TOR2A: variants seen among roughly 807,000 people sequenced by gnomAD.
TOR2A encodes the protein torsin family 2 member A.
Under a neutral mutation model 28.6 loss-of-function variants are expected in TOR2A, and 24 were observed. That is an observed-to-expected ratio of 0.84 (90% confidence interval 0.61 to 1.18). The LOEUF is 1.18. Ranked by LOEUF, TOR2A falls within the 50% of genes most tolerant of loss-of-function variation. TOR2A has a pLI of 0.00. For synonymous variants in TOR2A, 203 were observed against 203.1 expected (o/e 1.00, Z 0.00); for missense variants, 426 against 448.1 (o/e 0.95, Z 0.45).
At chr9:127,732,833 T>C in intron 3 of TOR2A, 142 bp from the exon 4 acceptor site, 16 of 1,442,738 alleles carry the variant, frequency 1.1e-5, no homozygotes, top group Non-Finnish European at 1.5e-5. Flanking sequence ...ACGCTCCACT[T>C]CCCCCTCCAT....
rs1381476869 is a variant in TOR2A, at chr9:127,733,377, GGCCCC to G, written c.593+3_593+7del. 6.2e-7 allele frequency: 1 copy of G among 1,613,644 alleles called. No individual in the cohort carries two copies. The highest frequency in any genetic ancestry group is 1.3e-5 in the African/African-American group (1 of 74,940). On this transcript the variant is annotated splice_donor_5th_base_variant and intron_variant, in intron 3 of 4. Transcript: ENST00000373284. ...CCCCACTGTGCCCACTGCAAAGCCG[GGCCCC>G]ACCTGATGAAGATGAAGATGGCTTT... is the stretch of plus-strand genomic sequence containing the variant.
chr9:127,733,100 C>T (rs1461498013), intron 3 of TOR2A: 7 of 1,501,542 alleles, frequency 4.7e-6, no homozygotes, highest in African/African-American at 1.4e-5. Flanking sequence ...TTTTCCCAGG[C>T]CTGTGTCCTC....
chr9:127,733,461 C>A lies in TOR2A; in HGVS notation c.517G>T (p.Val173Phe). 1 of 1,613,930 alleles carries A rather than the reference C, an allele frequency of 6.2e-7. No individual in the cohort carries two copies. Residue 173 changes from valine to phenylalanine, a missense_variant, in exon 3 of 5, where the codon GTC becomes TTC. Val to Phe is a conservative substitution (Grantham distance 50, BLOSUM62 -1). Transcript: ENST00000373284. ...GAGGAGCCCAGGAAAGGCCGCAGGA[C>A]TTCCATCAGGCCTGGGGGCATCTTG... ...MDKMPPGLME[V>F]LRPFLGSSWV...
Position 127,735,122 on chromosome 9 carries a change from G to C in TOR2A, c.149C>G (p.Pro50Arg). 1.4e-6 allele frequency: 2 copies of C among 1,475,212 alleles called. No homozygotes were observed. The highest frequency in any genetic ancestry group is 2.3e-4 in the Middle Eastern group (1 of 4,380). 91.4% of individuals were successfully genotyped at this position (1,475,212 alleles called of 1,614,324 possible). A position where few individuals can be genotyped will look rare whatever the true frequency, so the allele number is the denominator to read the frequency against. The change falls in exon 1 of 5, where the codon CCG (proline) becomes CGG (arginine). Residue 50 changes from proline (P) to arginine (R), a missense_variant and splice_region_variant. Transcript: ENST00000373284. ...CTCCGGGCTCCCTGGCGCCTCACCCGGCAAGTCGGGCCGGAAGTCGCATTC... is the reference window on the plus strand; with the variant it reads ...CTCCGGGCTCCCTGGCGCCTCACCCCGCAAGTCGGGCCGGAAGTCGCATTC... ...FCECDFRPDL[P>R]GLECDLAQHL... is the part of the protein sequence containing the mutation.
At chr9:127,732,736 C>G (rs1008758567) in intron 3 of TOR2A, 45 bp from the exon 4 acceptor site, 1 of 1,545,882 alleles carries the variant, frequency 6.5e-7, no homozygotes, top group African/African-American at 1.4e-5. Context: ...TGAGGACTAG[C>G]GCAGGGCAGG....
chr9:127,734,260 C>T (rs978971278), intron 2 of TOR2A, 39 bp downstream of exon 2: 2 of 1,532,746 alleles, frequency 1.3e-6, no homozygotes, highest in African/African-American at 1.4e-5. Flanking sequence ...GGGTGGCACC[C>T]CATGGTGAGA....
Position 127,732,142 on chromosome 9 carries a change from C to A in TOR2A, c.858G>T (p.Glu286Asp), listed in dbSNP as rs776764461. 6.2e-7 allele frequency: 1 copy of A among 1,613,650 alleles called. No individual in the cohort carries two copies. The highest frequency in any genetic ancestry group is 8.5e-7 in the Non-Finnish European group (1 of 1,180,012). ...LAQLGLEPRD[E>D]VVQAVLDSTT... ...TGCTGTCCAGCACAGCCTGGACAAC[C>A]TCATCCCTTGGCTCCAGGCCCAGCT... Residue 286 changes from glutamate to aspartate, a missense_variant, in exon 5 of 5, where the codon GAG (glutamate) becomes GAT (aspartate). Coordinates refer to ENST00000373284, the MANE Select transcript of TOR2A (RefSeq NM_001085347.3).
Position 127,731,680 on chromosome 9 carries a change from G to A in TOR2A, c.*354C>T, listed in dbSNP as rs1204510896. 14 of 798,092 alleles carry A rather than the reference G, an allele frequency of 1.8e-5. No homozygotes were observed. Among genetic ancestry groups the A allele is most frequent in the Non-Finnish European group, 2.4e-5 (13 of 542,878 alleles). 49.4% of individuals were successfully genotyped at this position (798,092 alleles called of 1,614,324 possible). ...GACACAGGGTGTGGGGTGGAGGGGA[G>A]GAGGTATGGTGCCCGACCAAGGAGG... On this transcript the variant is annotated 3_prime_UTR_variant, in exon 5 of 5. Transcript: ENST00000373284.
At position 127,734,711 on chromosome 9, in the gene TOR2A, T is replaced by C. The variant is rs1844614125; in HGVS notation, c.152-147A>G. The C allele has an allele frequency of 4.8e-6, 5 of 1,049,162 alleles. No individual in the cohort carries two copies. The East Asian group carries it at 1.3e-4, about 27-fold the overall frequency. 65.0% of individuals were successfully genotyped at this position (1,049,162 alleles called of 1,614,324 possible). On this transcript the variant is annotated intron_variant, in intron 1 of 4. Coordinates refer to ENST00000373284, the MANE Select transcript of TOR2A (RefSeq NM_001085347.3). ...CATGGCACGCAAACCTTGGGGTCTG[T>C]GGCGGAAAAGAGCCACCTTCGGGCC...
chr9:127,731,992 A>C lies in TOR2A; in HGVS notation c.*42T>G. 1 of 1,587,326 alleles carries C rather than the reference A, an allele frequency of 6.3e-7. No individual in the cohort carries two copies. Among genetic ancestry groups the C allele is most frequent in the Non-Finnish European group, 8.6e-7 (1 of 1,165,912 alleles). Reference sequence around the variant, plus strand: ...GACAGAGGCCCCTGGCCTTTCCTGCATGGCCTGGCCATCAGGGGGGCCGAG... The same window carrying C: ...GACAGAGGCCCCTGGCCTTTCCTGCCTGGCCTGGCCATCAGGGGGGCCGAG... On this transcript the variant is annotated 3_prime_UTR_variant, in exon 5 of 5. Coordinates refer to ENST00000373284, the MANE Select transcript of TOR2A (RefSeq NM_001085347.3).
At chr9:127,734,721 G>T in intron 1 of TOR2A, 157 bp from the exon 2 acceptor site, 1 of 919,016 alleles carries the variant, frequency 1.1e-6, no homozygotes, top group Non-Finnish European at 1.5e-6. Flanking sequence ...TGGCGGAAAA[G>T]AGCCACCTTC....
rs765512499 is a variant in TOR2A, at chr9:127,733,570, A to C, written c.418-10T>G. 4 of 1,596,300 alleles carry C rather than the reference A, an allele frequency of 2.5e-6. No individual in the cohort carries two copies. The African/African-American group carries it at 5.4e-5, about 22-fold the overall frequency. ...AGCTCTTCAGATCCTTCTGTAGGGGAGAGACAGGAGTTCCAGGGGAGCTGG... is the reference window on the plus strand; with the variant it reads ...AGCTCTTCAGATCCTTCTGTAGGGGCGAGACAGGAGTTCCAGGGGAGCTGG... On this transcript the variant is annotated splice_polypyrimidine_tract_variant and intron_variant, in intron 2 of 4. Coordinates refer to ENST00000373284, the MANE Select transcript of TOR2A (RefSeq NM_001085347.3).
intron 4 of TOR2A, 27 bp downstream of exon 4, chr9:127,732,536 CG>C: frequency 6.4e-7 from 1 of 1,560,892 alleles, no homozygotes; most frequent in Non-Finnish European, 8.7e-7. Context: ...TGAAGCTGCC[CG>C]GGAGGGGGCT....
intron 2 of TOR2A, chr9:127,733,769 A>C: frequency 3.4e-6 from 2 of 581,254 alleles, no homozygotes; most frequent in Admixed American, 3.2e-5. Flanking sequence ...CAGGGACTCA[A>C]ACCCAAGCCT....
intron 1 of TOR2A, chr9:127,734,795 T>A (rs951879186): frequency 7.4e-6 from 4 of 539,664 alleles, no homozygotes; most frequent in Non-Finnish European, 1.2e-5. Context: ...CAGCTCTAAA[T>A]GCGAGCTGTC....
Position 127,732,215 on chromosome 9 carries a change from G to A in TOR2A, c.785C>T (p.Pro262Leu), listed in dbSNP as rs377346436. The change falls in exon 5 of 5, where the codon CCG becomes CTG. Residue 262 changes from proline (P) to leucine (L), a missense_variant. Physicochemically the swap from Pro to Leu is moderately conservative, Grantham distance 98. Coordinates refer to ENST00000373284, the MANE Select transcript of TOR2A (RefSeq NM_001085347.3). ...GTGCCGGACGTGGTGCCGCTGGAGC[G>A]GGAGGAAGGGCACCACTGCGTCTAG... is the stretch of plus-strand genomic sequence containing the variant. ...RLLDAVVPFL[P>L]LQRHHVRHCV... The A allele has an allele frequency of 1.2e-5, 20 of 1,610,772 alleles. No individual in the cohort carries two copies. The highest frequency in any genetic ancestry group is 6.7e-5 in the African/African-American group (5 of 74,864).
intron 3 of TOR2A, 141 bp from the exon 4 acceptor site, chr9:127,732,832 T>G: frequency 1.4e-6 from 2 of 1,444,556 alleles, no homozygotes; most frequent in Non-Finnish European, 9.1e-7. Context: ...AACGCTCCAC[T>G]TCCCCCTCCA....
Position 127,734,424 on chromosome 9 carries a change from C to A in TOR2A, c.292G>T (p.Gly98Cys), listed in dbSNP as rs1238190955. 1 of 1,612,394 alleles carries A rather than the reference C, an allele frequency of 6.2e-7. No homozygotes were observed. The highest frequency in any genetic ancestry group is 1.3e-5 in the African/African-American group (1 of 75,054). Residue 98 changes from glycine to cysteine, a missense_variant, in exon 2 of 5, where the codon GGC (glycine) becomes TGC (cysteine). Transcript: ENST00000373284. Reference sequence around the variant, plus strand: ...AGCAGGGAGCTGACATAGGATTTGCCGGTGCCGGTCCAGCCGTGCAGGGAG... The same window carrying A: ...AGCAGGGAGCTGACATAGGATTTGCAGGTGCCGGTCCAGCCGTGCAGGGAG... Reference protein sequence around the residue: ...VLSLHGWTGTGKSYVSSLLAH... With the variant: ...VLSLHGWTGTCKSYVSSLLAH...
Position 127,731,987 on chromosome 9 carries a change from C to A in TOR2A, c.*47G>T. 1 of 1,579,816 alleles carries A rather than the reference C, an allele frequency of 6.3e-7. No individual in the cohort carries two copies. The highest frequency in any genetic ancestry group is 1.3e-5 in the African/African-American group (1 of 74,164). ...CCTGTGACAGAGGCCCCTGGCCTTTCCTGCATGGCCTGGCCATCAGGGGGG... is the reference window on the plus strand; with the variant it reads ...CCTGTGACAGAGGCCCCTGGCCTTTACTGCATGGCCTGGCCATCAGGGGGG... On this transcript the variant is annotated 3_prime_UTR_variant, in exon 5 of 5. Transcript: ENST00000373284.
Sources: gnomAD v4.1 joint callset for allele counts on GRCh38, gnomAD v4.1.1 for gene constraint, MANE v1.5 for transcripts, NCBI Gene and HGNC (gene_info 2026-07-23, HGNC 2026-07-21) for gene names.